Variants in CAMK1D observed in about 807,000 individuals in gnomAD.
The protein encoded by CAMK1D is calcium/calmodulin-dependent protein kinase type 1D.
CAMK1D carries 9 observed loss-of-function variants against 47.7 expected under a neutral mutation model. The ratio of observed to expected loss-of-function variants is 0.19; its 90% CI spans 0.11 to 0.33. The LOEUF (loss-of-function observed/expected upper bound fraction) is 0.33. Ranked by LOEUF, CAMK1D falls within the 10% of genes least tolerant of loss-of-function variation. The pLI is 1.00. For missense variants in CAMK1D, 291 were observed against 488.7 expected, an observed-to-expected ratio of 0.60 and a Z score of 3.81; for synonymous variants, 184 against 184.9, an observed-to-expected ratio of 0.99 and a Z score of 0.04.
At chr10:12,767,306 T>C (rs963527051) in intron 4 of CAMK1D, among the ~76,000 whole-genome samples, 9 of 152,202 alleles carry the variant, frequency 5.9e-5, no homozygotes, top group Admixed American at 4.6e-4. Flanking sequence ...GCCTCCTGAG[T>C]AGCTGGGATT....
chr10:12,827,420 T>TTTCC lies in CAMK1D; in HGVS notation c.1040-1333_1040-1330dup, dbSNP rs796127858. Among the ~76,000 whole-genome samples the TTTCC allele has an allele frequency of 7.5e-3, 90 of 12,036 alleles. 10 individuals are homozygous for TTTCC. In the East Asian group the frequency reaches 0.1, roughly 14 times the overall value. 7.9% of individuals were successfully genotyped at this position (12,036 alleles called of 152,430 possible). A position where few individuals can be genotyped will look rare whatever the true frequency, so the allele number is the denominator to read the frequency against. On this transcript the variant is annotated intron_variant, in intron 10 of 10. Coordinates refer to ENST00000619168, the MANE Select transcript of CAMK1D (RefSeq NM_153498.4). ...CCTTCCTTTCTTCTTTCTCTCTTTC[T>TTTCC]TTCCTTCCTTCCTTCCTTCTTTCTT...
intron 1 of CAMK1D, among the ~76,000 whole-genome samples, chr10:12,473,286 G>A (rs1833803473): frequency 1.3e-5 from 2 of 152,188 alleles, no homozygotes; most frequent in Non-Finnish European, 1.5e-5. Context: ...CATAACAATA[G>A]TGAACTGAGG....
At chr10:12,757,001 T>G (rs932062864) in intron 3 of CAMK1D, among the ~76,000 whole-genome samples, 2 of 152,206 alleles carry the variant, frequency 1.3e-5, no homozygotes, top group African/African-American at 4.8e-5. Flanking sequence ...AAGTTGGAAT[T>G]CAGAAGAGTA....
chr10:12,805,341 T>G (rs1838680206), intron 6 of CAMK1D, among the ~76,000 whole-genome samples: 1 of 150,886 alleles, frequency 6.6e-6, no homozygotes, highest in Non-Finnish European at 1.5e-5. Flanking sequence ...ATAATCATGA[T>G]AATAAGCCAT....
intron 8 of CAMK1D, among the ~76,000 whole-genome samples, chr10:12,823,050 C>A (rs898612442): frequency 2.0e-5 from 3 of 152,234 alleles, no homozygotes; most frequent in Admixed American, 2.0e-4. Flanking sequence ...CAGCCTGGCC[C>A]CAATTTTATA....
intron 6 of CAMK1D, among the ~76,000 whole-genome samples, chr10:12,806,611 TC>T (rs1044595443): frequency 2.6e-5 from 4 of 152,194 alleles, no homozygotes; most frequent in African/African-American, 9.6e-5. Context: ...TTGAGGCTCC[TC>T]CCCTCTTTCA....
chr10:12,671,205 G>T (rs1212487482), intron 3 of CAMK1D, among the ~76,000 whole-genome samples: 1 of 152,082 alleles, frequency 6.6e-6, no homozygotes, highest in Admixed American at 6.6e-5. Context: ...TTTTTCAGTT[G>T]ATGGACATTT....
At chr10:12,679,966 A>C (rs570869012) in intron 3 of CAMK1D, among the ~76,000 whole-genome samples, 25 of 152,312 alleles carry the variant, frequency 1.6e-4, no homozygotes, top group South Asian at 4.1e-4. Context: ...TCCTCTCTAA[A>C]ATGTAAGCTA....
chr10:12,497,324 A>G (rs10752266), intron 1 of CAMK1D, among the ~76,000 whole-genome samples: 74,450 of 151,640 alleles, frequency 0.49, 19,184 homozygotes, highest in East Asian at 0.8. Context: ...TAAAAATACA[A>G]AAATTAGCCT....
chr10:12,808,709 T>C (rs1832472548), intron 6 of CAMK1D, among the ~76,000 whole-genome samples: 1 of 151,728 alleles, frequency 6.6e-6, no homozygotes, highest in Non-Finnish European at 1.5e-5. Context: ...ACCCAGGAGG[T>C]GGAGGTTTCG....
intron 2 of CAMK1D, among the ~76,000 whole-genome samples, chr10:12,646,922 A>G (rs996483582): frequency 3.3e-5 from 5 of 151,750 alleles, no homozygotes; most frequent in African/African-American, 1.2e-4. Flanking sequence ...GCTCACTGCA[A>G]TTTGCTCCTT....
Position 12,835,282 on chromosome 10 carries a change from C to T in CAMK1D, c.*6395C>T, listed in dbSNP as rs901971283. ...AGGAATGTCCCCGCATCTACTATTA[C>T]CAGGCTTGCAATTGGTTCAATTTTC... On this transcript the variant is annotated 3_prime_UTR_variant, in exon 11 of 11. Coordinates refer to ENST00000619168, the MANE Select transcript of CAMK1D (RefSeq NM_153498.4). 1 of 152,144 alleles carries T rather than the reference C, an allele frequency of 6.6e-6. No individual in the cohort carries two copies. Among genetic ancestry groups the T allele is most frequent in the African/African-American group, 2.4e-5 (1 of 41,408 alleles). 9.4% of individuals were successfully genotyped at this position (152,144 alleles called of 1,614,324 possible).
chr10:12,486,530 T>TGC (rs984857487), intron 1 of CAMK1D, among the ~76,000 whole-genome samples: 8 of 62,438 alleles, frequency 1.3e-4, no homozygotes, highest in East Asian at 1.2e-3. Flanking sequence ...TGTGTGCGCG[T>TGC]GCACACACAC....
intron 1 of CAMK1D, among the ~76,000 whole-genome samples, chr10:12,546,940 G>A (rs561846259): frequency 9.9e-5 from 15 of 152,096 alleles, no homozygotes; most frequent in Admixed American, 4.6e-4. Context: ...CACATGTACC[G>A]TAAAACTTAA....
At chr10:12,766,349 C>T (rs145900011) in intron 4 of CAMK1D, among the ~76,000 whole-genome samples, 2 of 132,942 alleles carry the variant, frequency 1.5e-5, no homozygotes, top group South Asian at 2.5e-4. Context: ...GCCAGCCCCA[C>T]GTTGCCTGTT....
intron 2 of CAMK1D, among the ~76,000 whole-genome samples, chr10:12,567,095 T>G (rs538638153): frequency 1.4e-4 from 21 of 152,330 alleles, no homozygotes; most frequent in African/African-American, 4.8e-4. Flanking sequence ...TGTGCCAGTT[T>G]CTTGTGAATA....
intron 2 of CAMK1D, among the ~76,000 whole-genome samples, chr10:12,628,795 TCTC>T (rs1415794430): frequency 7.9e-5 from 12 of 152,152 alleles, no homozygotes; most frequent in African/African-American, 2.4e-5. Flanking sequence ...CCCTTCCCCT[TCTC>T]CTTCCAATCT....
At chr10:12,605,282 C>G (rs1341488018) in intron 2 of CAMK1D, among the ~76,000 whole-genome samples, 1 of 151,318 alleles carries the variant, frequency 6.6e-6, no homozygotes, top group Admixed American at 6.6e-5. Flanking sequence ...AGGGCACCTC[C>G]CTGTGAACCA....
rs548401912 is a variant in CAMK1D, at chr10:12,389,122, T to C, written c.92+39212T>C. Among the ~76,000 whole-genome samples the C allele has an allele frequency of 4.6e-5, 7 of 152,332 alleles. No individual in the cohort carries two copies. The South Asian group carries it at 1.5e-3, about 32-fold the overall frequency. ...CATCAGCTTCTGCTTAGAGAGAGGC[T>C]AATTATTTGGGTTTCTGGTGATTCC... On this transcript the variant is annotated intron_variant, in intron 1 of 10. Coordinates refer to ENST00000619168, the MANE Select transcript of CAMK1D (RefSeq NM_153498.4).
Sources: gnomAD v4.1 joint callset for allele counts (sites outside exome capture counted in the v4.1 genomes callset) on GRCh38, gnomAD v4.1.1 for gene constraint, MANE v1.5 for transcripts, NCBI Gene and HGNC (gene_info 2026-07-23, HGNC 2026-07-21) for gene names.